Variants in EEPD1 observed in about 807,000 individuals in gnomAD.
The protein encoded by EEPD1 is endonuclease/exonuclease/phosphatase family domain-containing protein 1.
In EEPD1, 17 loss-of-function variants were observed where a neutral mutation model predicts 46.3. That is an observed-to-expected ratio of 0.37 (90% CI 0.25 to 0.55). The LOEUF is 0.55. Among genes scored for constraint, EEPD1 ranks in the 20% least tolerant of loss-of-function variants. The pLI is 0.83. For missense variants in EEPD1, 673 were observed against 745.6 expected, an observed-to-expected ratio of 0.90 and a Z score of 1.13; for synonymous variants, 313 against 315.6, an observed-to-expected ratio of 0.99 and a Z score of 0.09.
At chr7:36,166,463 G>A (rs924710476) in intron 2 of EEPD1, among the ~76,000 whole-genome samples, 1 of 152,168 alleles carries the variant, frequency 6.6e-6, no homozygotes, top group Non-Finnish European at 1.5e-5. Flanking sequence ...GCTCATGCCT[G>A]TAATCCCAGC....
At chr7:36,298,953 C>A in intron 7 of EEPD1, 54 bp from the exon 8 acceptor site, 1 of 1,588,442 alleles carries the variant, frequency 6.3e-7, no homozygotes, top group Non-Finnish European at 8.6e-7. Context: ...CCAGGACCTC[C>A]CGCACCCAAC....
intron 2 of EEPD1, among the ~76,000 whole-genome samples, chr7:36,222,573 CTCAG>C (rs1398837279): frequency 6.6e-6 from 1 of 152,126 alleles, no homozygotes; most frequent in African/African-American, 2.4e-5. Flanking sequence ...TCCTTCCTGT[CTCAG>C]TGTTTTTGGA....
chr7:36,200,530 A>G (rs1785695357), intron 2 of EEPD1, among the ~76,000 whole-genome samples: 1 of 152,222 alleles, frequency 6.6e-6, no homozygotes, highest in Non-Finnish European at 1.5e-5. Flanking sequence ...TGCTTAAGCT[A>G]AGAGGCCAAT....
At chr7:36,280,343 C>T (rs1583477030) in intron 3 of EEPD1, among the ~76,000 whole-genome samples, 1 of 152,118 alleles carries the variant, frequency 6.6e-6, no homozygotes, top group East Asian at 1.9e-4. Context: ...GAGGCTCTCA[C>T]TCGTAGGGGT....
chr7:36,288,816 A>G (rs545838217), intron 6 of EEPD1, among the ~76,000 whole-genome samples: 23 of 151,486 alleles, frequency 1.5e-4, no homozygotes, highest in Middle Eastern at 3.5e-3. Flanking sequence ...GCTATGCCCC[A>G]ACTAATATAG....
At chr7:36,282,635 TC>T (rs1787278629) in intron 4 of EEPD1, among the ~76,000 whole-genome samples, 1 of 152,246 alleles carries the variant, frequency 6.6e-6, no homozygotes. Context: ...CTTTCTTAGC[TC>T]ACCTATAGGG....
chr7:36,213,387 A>C (rs984997223), intron 2 of EEPD1, among the ~76,000 whole-genome samples: 2 of 152,140 alleles, frequency 1.3e-5, no homozygotes, highest in African/African-American at 4.8e-5. Flanking sequence ...ATTTGCTTGG[A>C]AAGTCTCATT....
chr7:36,290,931 T>A (rs772609385), intron 6 of EEPD1, among the ~76,000 whole-genome samples: 1 of 152,192 alleles, frequency 6.6e-6, no homozygotes, highest in Non-Finnish European at 1.5e-5. Flanking sequence ...ACCTGTGGAT[T>A]CTCAGAAGCA....
intron 3 of EEPD1, 54 bp from the exon 4 acceptor site, chr7:36,281,061 C>T (rs565473804): frequency 1.8e-5 from 28 of 1,528,618 alleles, no homozygotes; most frequent in South Asian, 6.7e-5. Context: ...CGCCGCCAGC[C>T]GGGACTGCTT....
At chr7:36,238,762 G>A (rs1033583770) in intron 2 of EEPD1, among the ~76,000 whole-genome samples, 8 of 151,768 alleles carry the variant, frequency 5.3e-5, no homozygotes, top group African/African-American at 1.9e-4. Context: ...ACTTAAAAGT[G>A]AAATTGCTGG....
rs2115753396 is a variant in EEPD1 at position 36,225,043 on chromosome 7, C to T, written c.879-13942C>T. The stretch of plus-strand genomic sequence containing the variant: ...CAAAAACAAGGAATGCAGGCAGCCA[C>T]CAGAGACAAAAAAAAAATAGGCTCT... On this transcript the variant is annotated intron_variant, in intron 2 of 7. Transcript: ENST00000242108. The surrounding 1 kb of genome is among the most constrained non-coding windows in gnomAD (Gnocchi z 4.2). Among the ~76,000 whole-genome samples, 1 of 151,836 alleles carries T rather than the reference C, an allele frequency of 6.6e-6. No individual in the cohort carries two copies. The highest frequency in any genetic ancestry group is 2.4e-5 in the African/African-American group (1 of 41,412).
intron 2 of EEPD1, among the ~76,000 whole-genome samples, chr7:36,222,135 C>A (rs11983103): frequency 2.0e-5 from 3 of 152,006 alleles, no homozygotes; most frequent in African/African-American, 7.3e-5. Flanking sequence ...TTTTGACTCC[C>A]CCAAAACATA....
intron 2 of EEPD1, among the ~76,000 whole-genome samples, chr7:36,219,361 A>G (rs569886720): frequency 5.3e-5 from 8 of 152,082 alleles, no homozygotes; most frequent in East Asian, 3.9e-4. Flanking sequence ...GGAATCTCCT[A>G]TGAATTCCAA....
intron 2 of EEPD1, among the ~76,000 whole-genome samples, chr7:36,169,707 A>G (rs1384749257): frequency 1.3e-5 from 2 of 152,220 alleles, no homozygotes; most frequent in Admixed American, 6.5e-5. Context: ...GTTTTGTAAT[A>G]GGAAAAAGTA....
intron 2 of EEPD1, among the ~76,000 whole-genome samples, chr7:36,233,557 G>A (rs183395161): frequency 9.5e-4 from 145 of 152,374 alleles, no homozygotes; most frequent in African/African-American, 3.4e-3. Flanking sequence ...TTCCACGCTT[G>A]TTGGGAGGAG....
At chr7:36,210,086 C>A (rs1785900659) in intron 2 of EEPD1, among the ~76,000 whole-genome samples, 1 of 151,802 alleles carries the variant, frequency 6.6e-6, no homozygotes, top group South Asian at 2.1e-4. Context: ...AGCAGACAGG[C>A]AGCTGGAGAT....
At chr7:36,293,131 T>A (rs889085160) in intron 6 of EEPD1, among the ~76,000 whole-genome samples, 4 of 152,216 alleles carry the variant, frequency 2.6e-5, no homozygotes, top group African/African-American at 7.2e-5. Context: ...GAAAATATAA[T>A]GGGATAAAAC....
rs946028675 is a variant in EEPD1 at position 36,249,484 on chromosome 7, A to G, written c.930+10448A>G. Among the ~76,000 whole-genome samples, 3 of 152,316 alleles carry G rather than the reference A, an allele frequency of 2.0e-5. No homozygotes were observed. The East Asian group carries it at 5.8e-4, about 29-fold the overall frequency. Reference sequence around the variant, plus strand: ...ACACGCTATGGCATGCTTTATAACTATGAATAAGTGGGAGGCAGTTCAGTG... The same window carrying G: ...ACACGCTATGGCATGCTTTATAACTGTGAATAAGTGGGAGGCAGTTCAGTG... On this transcript the variant is annotated intron_variant, in intron 3 of 7. Transcript: ENST00000242108.
chr7:36,202,202 A>G (rs1785722940), intron 2 of EEPD1, among the ~76,000 whole-genome samples: 2 of 152,150 alleles, frequency 1.3e-5, no homozygotes, highest in Non-Finnish European at 2.9e-5. Flanking sequence ...GAGAACTGAG[A>G]AATGTGAAGA....
Sources: gnomAD v4.1 joint callset for allele counts (sites outside exome capture counted in the v4.1 genomes callset) on GRCh38, gnomAD v4.1.1 for gene constraint, Gnocchi (gnomAD v3.1) non-coding constraint, MANE v1.5 for transcripts, NCBI Gene and HGNC (gene_info 2026-07-23, HGNC 2026-07-21) for gene names.